The following LTBP1 variants were observed in gnomAD, a reference collection of about 807,000 sequenced individuals.
LTBP1 encodes latent-transforming growth factor beta-binding protein 1.
Under a neutral mutation model 207.6 loss-of-function variants are expected in LTBP1, and 129 were observed. The observed-to-expected ratio is 0.62, with a 90% CI of 0.54 to 0.72. LTBP1 has a LOEUF of 0.72. Among genes scored for constraint, LTBP1 ranks in the 30% least tolerant of loss-of-function variants. LTBP1 has a pLI of 0.00. For synonymous variants in LTBP1, 963 were observed against 833.7 expected (o/e 1.16, Z -2.67); for missense variants, 2,281 against 2,217.2 (o/e 1.03, Z -0.58).
intron 15 of LTBP1, among the ~76,000 whole-genome samples, chr2:33,265,078 G>T (rs1487922502): frequency 2.0e-5 from 3 of 152,154 alleles, no homozygotes; most frequent in African/African-American, 7.2e-5. Context: ...TGTTGTGTTT[G>T]AGCCCAGCAC....
chr2:33,197,075 C>T (rs1482604704), intron 7 of LTBP1, among the ~76,000 whole-genome samples: 2 of 152,124 alleles, frequency 1.3e-5, no homozygotes, highest in Admixed American at 6.6e-5. Flanking sequence ...TTTAGTATTT[C>T]AGAGTTCTAA....
chr2:32,947,463 G>T lies in LTBP1; in HGVS notation c.139G>T (p.Gly47Trp), dbSNP rs1159966119. The stretch of plus-strand genomic sequence containing the variant: ...GGCAGCCGGCGCCTTGCCCCTGAGC[G>T]GGCCCCCGCGTTCGCGGACATTCAA... ...GLAAGALPLS[G>W]PPRSRTFNVA... Residue 47 changes from glycine to tryptophan, a missense_variant, in exon 1 of 34, where the codon GGG (glycine) becomes TGG (tryptophan). Physicochemically the swap from Gly to Trp is radical, Grantham distance 184. Coordinates refer to ENST00000404816, the MANE Select transcript of LTBP1 (RefSeq NM_206943.4). 6 of 1,443,440 alleles carry T rather than the reference G, an allele frequency of 4.2e-6. No individual in the cohort carries two copies. The East Asian group carries it at 1.2e-4, about 30-fold the overall frequency. 89.4% of individuals were successfully genotyped at this position (1,443,440 alleles called of 1,614,324 possible). A position where few individuals can be genotyped will look rare whatever the true frequency, so the allele number is the denominator to read the frequency against.
chr2:32,953,660 C>T (rs1341451684), intron 2 of LTBP1, among the ~76,000 whole-genome samples: 8 of 152,110 alleles, frequency 5.3e-5, no homozygotes, highest in East Asian at 1.9e-4. Flanking sequence ...CTGAGGATGC[C>T]GCCCGCCCCC....
intron 2 of LTBP1, among the ~76,000 whole-genome samples, chr2:32,998,322 C>A (rs1685594092): frequency 1.3e-5 from 2 of 151,584 alleles, no homozygotes; most frequent in African/African-American, 4.8e-5. Flanking sequence ...TCGAGACCAT[C>A]CTGGCCAACA....
intron 33 of LTBP1, among the ~76,000 whole-genome samples, chr2:33,397,658 C>T (rs1324392305): frequency 6.7e-6 from 1 of 149,116 alleles, no homozygotes; most frequent in African/African-American, 2.5e-5. Flanking sequence ...CAGGCACCCG[C>T]CACCACACCC....
intron 3 of LTBP1, among the ~76,000 whole-genome samples, chr2:33,090,945 A>G (rs2079050099): frequency 6.6e-6 from 1 of 152,208 alleles, no homozygotes; most frequent in Admixed American, 6.5e-5. Context: ...ACAGATTTGC[A>G]GTAATGCATG....
At chr2:33,182,121 A>G (rs1269882519) in intron 5 of LTBP1, among the ~76,000 whole-genome samples, 1 of 152,086 alleles carries the variant, frequency 6.6e-6, no homozygotes, top group Non-Finnish European at 1.5e-5. Context: ...CTGGACTTTT[A>G]TTGGTTGAAA....
chr2:33,043,444 T>C (rs756113564), intron 3 of LTBP1, among the ~76,000 whole-genome samples: 2 of 152,212 alleles, frequency 1.3e-5, no homozygotes, highest in Admixed American at 6.5e-5. Flanking sequence ...GTCTAATATA[T>C]GCATCTTGCC....
At chr2:33,376,538 C>G (rs2095141707) in intron 31 of LTBP1, among the ~76,000 whole-genome samples, 1 of 152,188 alleles carries the variant, frequency 6.6e-6, no homozygotes. Context: ...ATGAGTCTGC[C>G]CTGCCCACCA....
intron 31 of LTBP1, among the ~76,000 whole-genome samples, chr2:33,367,490 C>T (rs13410604): frequency 0.012 from 1,862 of 152,250 alleles, 36 homozygotes; most frequent in African/African-American, 0.041. Context: ...TTTTTCAACC[C>T]TTACCCCACT....
At chr2:33,385,418 T>G (rs918122340) in intron 31 of LTBP1, among the ~76,000 whole-genome samples, 1 of 152,246 alleles carries the variant, frequency 6.6e-6, no homozygotes, top group African/African-American at 2.4e-5. Context: ...AAAACTTCAT[T>G]TATTTCCAAA....
chr2:33,028,007 A>C (rs2075510700), intron 3 of LTBP1, among the ~76,000 whole-genome samples: 2 of 152,248 alleles, frequency 1.3e-5, no homozygotes, highest in Admixed American at 6.5e-5. Flanking sequence ...TGAGAAAAAC[A>C]GACACATGGG....
intron 26 of LTBP1, among the ~76,000 whole-genome samples, chr2:33,354,685 C>T (rs1218933657): frequency 5.0e-4 from 3 of 6,008 alleles, no homozygotes; most frequent in African/African-American, 3.9e-4. Flanking sequence ...TAAAACTATA[C>T]ACACACACAC....
chr2:33,048,521 C>T (rs1269385438), intron 3 of LTBP1, among the ~76,000 whole-genome samples: 1 of 152,166 alleles, frequency 6.6e-6, no homozygotes, highest in Non-Finnish European at 1.5e-5. Flanking sequence ...TGAGACATTC[C>T]ACTAAGGCTG....
At chr2:33,106,388 G>A (rs1166474805) in intron 3 of LTBP1, among the ~76,000 whole-genome samples, 1 of 152,194 alleles carries the variant, frequency 6.6e-6, no homozygotes, top group East Asian at 1.9e-4. Flanking sequence ...ACTTTGCCCA[G>A]ATCCATCAGA....
intron 24 of LTBP1, among the ~76,000 whole-genome samples, chr2:33,336,511 T>A (rs115309171): frequency 0.15 from 22,142 of 152,116 alleles, 3,081 homozygotes; most frequent in African/African-American, 0.36. Flanking sequence ...CAGGTTTCCG[T>A]TAAGTCAAAA....
At chr2:33,315,103 C>T (rs745852554) in intron 23 of LTBP1, 41 bp from the exon 24 acceptor site, 26 of 1,533,760 alleles carry the variant, frequency 1.7e-5, no homozygotes, top group East Asian at 4.5e-5. Context: ...GGAATGAAAC[C>T]GATTTTTTTC....
At chr2:33,045,318 C>T (rs773523862) in intron 3 of LTBP1, among the ~76,000 whole-genome samples, 93 of 152,142 alleles carry the variant, frequency 6.1e-4, no homozygotes, top group Non-Finnish European at 1.1e-3. Flanking sequence ...GTCCAGTTTC[C>T]GTTTTCTGCG....
rs114356663 is a variant in LTBP1, at chr2:33,081,666, A to G, written c.864-28916A>G. On this transcript the variant is annotated intron_variant, in intron 3 of 33. Transcript: ENST00000404816. ...GGTTTAAATGTTTGTCTTCTCCCAA[A>G]CTCATGGTGCTGATATTGTTTGGCT... Among the ~76,000 whole-genome samples the G allele has an allele frequency of 7.6e-3, 1,160 of 152,088 alleles. 14 individuals carry two copies. The highest frequency in any genetic ancestry group is 0.026 in the African/African-American group (1,075 of 41,494).
Sources: allele counts gnomAD v4.1 joint callset (sites outside exome capture counted in the v4.1 genomes callset), GRCh38; gene constraint gnomAD v4.1.1; transcripts MANE v1.5; gene names NCBI Gene and HGNC (gene_info 2026-07-23, HGNC 2026-07-21).